UBL3: variants seen among roughly 807,000 people sequenced by gnomAD.
UBL3 encodes ubiquitin-like protein 3.
Under a neutral mutation model 18.4 loss-of-function variants are expected in UBL3, and 6 were observed. That is an observed-to-expected ratio of 0.33 (90% CI 0.18 to 0.64). The LOEUF (loss-of-function observed/expected upper bound fraction) is 0.64, where lower values mean the gene tolerates loss of function less well. Among genes scored for constraint, UBL3 ranks in the 30% least tolerant of loss-of-function variants. UBL3 has a pLI of 0.76. For missense variants in UBL3, 109 were observed against 142.9 expected, an observed-to-expected ratio of 0.76 and a Z score of 1.21; for synonymous variants, 49 against 46.6, an observed-to-expected ratio of 1.05 and a Z score of -0.21.
At chr13:29,781,332 C>T (rs543820067) in intron 1 of UBL3, among the ~76,000 whole-genome samples, 1 of 152,148 alleles carries the variant, frequency 6.6e-6, no homozygotes, top group South Asian at 2.1e-4. Context: ...TATAACAGTC[C>T]TTATTTCATC....
chr13:29,776,043 A>G (rs185538629), intron 2 of UBL3, among the ~76,000 whole-genome samples: 6 of 152,308 alleles, frequency 3.9e-5, no homozygotes, highest in Middle Eastern at 3.4e-3. Flanking sequence ...TTGACCTTAT[A>G]GTAGTTCAGA....
chr13:29,775,623 A>AT (rs987503319), intron 2 of UBL3, among the ~76,000 whole-genome samples: 9 of 150,260 alleles, frequency 6.0e-5, no homozygotes, highest in South Asian at 4.2e-4. Flanking sequence ...GAGGGAGGCA[A>AT]TTTTTTTTTT....
At chr13:29,779,616 G>A (rs1399802338) in intron 1 of UBL3, among the ~76,000 whole-genome samples, 2 of 152,158 alleles carry the variant, frequency 1.3e-5, no homozygotes, top group East Asian at 1.9e-4. Flanking sequence ...ATGGAAATGG[G>A]AAAATAAATG....
chr13:29,843,965 G>T (rs1223949460), intron 1 of UBL3, among the ~76,000 whole-genome samples: 1 of 152,204 alleles, frequency 6.6e-6, no homozygotes, highest in African/African-American at 2.4e-5. Context: ...TAATAAAAAT[G>T]TGTGATTAAT....
chr13:29,795,385 TA>T (rs1424512376), intron 1 of UBL3, among the ~76,000 whole-genome samples: 1 of 152,058 alleles, frequency 6.6e-6, no homozygotes, highest in African/African-American at 2.4e-5. Flanking sequence ...ATATACTTAA[TA>T]TGCAGTACAT....
At chr13:29,786,889 G>T (rs532085717) in intron 1 of UBL3, among the ~76,000 whole-genome samples, 1 of 28,580 alleles carries the variant, frequency 3.5e-5, no homozygotes, top group East Asian at 4.0e-3. Context: ...GTAGATAAGA[G>T]AGGTCAGAGA....
rs201086784 is a variant in UBL3, at chr13:29,836,821, G to A, written c.27+12691C>T. ...TTCCTCTCCAGGAATGTGCTGAATT[G>A]TAAACAGCATGGACTGAAATTCAGA... On this transcript the variant is annotated intron_variant, in intron 1 of 4. Transcript: ENST00000380680. Among the ~76,000 whole-genome samples, 4 of 152,330 alleles carry A rather than the reference G, an allele frequency of 2.6e-5. No individual in the cohort carries two copies. The East Asian group carries it at 5.8e-4, about 22-fold the overall frequency.
chr13:29,831,756 A>G (rs1878780627), intron 1 of UBL3, among the ~76,000 whole-genome samples: 1 of 152,088 alleles, frequency 6.6e-6, no homozygotes, highest in African/African-American at 2.4e-5. Flanking sequence ...CTAAAAAATC[A>G]CAAAAAGTAA....
At chr13:29,796,595 C>T (rs942882086) in intron 1 of UBL3, among the ~76,000 whole-genome samples, 1 of 152,150 alleles carries the variant, frequency 6.6e-6, no homozygotes, top group Non-Finnish European at 1.5e-5. Flanking sequence ...AAAATCATTA[C>T]TCAATTACAT....
At chr13:29,802,399 C>T (rs1259004439) in intron 1 of UBL3, among the ~76,000 whole-genome samples, 2 of 152,170 alleles carry the variant, frequency 1.3e-5, no homozygotes, top group East Asian at 1.9e-4. Flanking sequence ...ACTTTGGCAA[C>T]CCAAAATGCC....
chr13:29,829,742 C>A (rs1160644527), intron 1 of UBL3, among the ~76,000 whole-genome samples: 1 of 152,190 alleles, frequency 6.6e-6, no homozygotes, highest in African/African-American at 2.4e-5. Context: ...CCCAGTACCT[C>A]AGTTGGAAAT....
intron 1 of UBL3, among the ~76,000 whole-genome samples, chr13:29,842,128 CTCTT>C (rs1297806014): frequency 2.4e-3 from 201 of 83,110 alleles, no homozygotes; most frequent in African/African-American, 8.5e-3. Flanking sequence ...TCCTCCCATT[CTCTT>C]TCTTTTTTTT....
At chr13:29,792,477 G>A (rs1877506757) in intron 1 of UBL3, among the ~76,000 whole-genome samples, 1 of 152,124 alleles carries the variant, frequency 6.6e-6, no homozygotes, top group Non-Finnish European at 1.5e-5. Context: ...TTATTCAAAA[G>A]TGATAGCAAG....
intron 1 of UBL3, among the ~76,000 whole-genome samples, chr13:29,810,056 G>T (rs1276792499): frequency 6.6e-6 from 1 of 151,988 alleles, no homozygotes; most frequent in African/African-American, 2.4e-5. Context: ...AATATGAAAG[G>T]CCCACTGTAT....
chr13:29,784,384 A>G (rs1877253239), intron 1 of UBL3, among the ~76,000 whole-genome samples: 1 of 144,536 alleles, frequency 6.9e-6, no homozygotes, highest in Non-Finnish European at 1.5e-5. Context: ...TCCTCTGAGA[A>G]TCTCTTAAGA....
chr13:29,812,280 G>A (rs1012361816), intron 1 of UBL3, among the ~76,000 whole-genome samples: 1 of 152,050 alleles, frequency 6.6e-6, no homozygotes. Flanking sequence ...TTGAATATCT[G>A]CACTTTGGGC....
intron 1 of UBL3, among the ~76,000 whole-genome samples, chr13:29,835,593 A>G (rs533507550): frequency 6.6e-6 from 1 of 151,666 alleles, no homozygotes; most frequent in Non-Finnish European, 1.5e-5. Flanking sequence ...CATCTCTACT[A>G]AAAACACAAT....
chr13:29,815,865 C>T (rs1001238011), intron 1 of UBL3, among the ~76,000 whole-genome samples: 2 of 152,140 alleles, frequency 1.3e-5, no homozygotes, highest in African/African-American at 4.8e-5. Flanking sequence ...TGGGAGCTAC[C>T]TCAACTTGAG....
At chr13:29,823,414 T>A (rs1478232388) in intron 1 of UBL3, among the ~76,000 whole-genome samples, 1 of 152,230 alleles carries the variant, frequency 6.6e-6, no homozygotes, top group African/African-American at 2.4e-5. Context: ...ACTGCTGGGA[T>A]TACAGGCGTG....
Sources: gnomAD v4.1 joint callset for allele counts (sites outside exome capture counted in the v4.1 genomes callset) on GRCh38, gnomAD v4.1.1 for gene constraint, MANE v1.5 for transcripts, NCBI Gene and HGNC (gene_info 2026-07-23, HGNC 2026-07-21) for gene names.